Variants in EGFR observed in about 807,000 individuals in gnomAD.
The protein encoded by EGFR is avian erythroblastic leukemia viral (v-erb-b) oncogene homolog.
Under a neutral mutation model 143.0 loss-of-function variants are expected in EGFR, and 58 were observed. That is an observed-to-expected ratio of 0.41 (90% CI 0.33 to 0.50). The LOEUF (loss-of-function observed/expected upper bound fraction) is 0.50, where lower values mean the gene tolerates loss of function less well. EGFR is among the 20% of genes least tolerant of loss of function. The pLI is 0.39. For missense variants in EGFR, 1,307 were observed against 1,579.0 expected (o/e 0.83, Z 2.92); for synonymous variants, 613 against 594.4 (o/e 1.03, Z -0.45).
chr7:55,082,979 C>T (rs1182044236), intron 1 of EGFR, among the ~76,000 whole-genome samples: 1 of 152,218 alleles, frequency 6.6e-6, no homozygotes, highest in African/African-American at 2.4e-5. Context: ...GTGAGTTCTC[C>T]TGCATGTCTG....
At position 55,209,174 on chromosome 7, in the gene EGFR, C is replaced by T. The variant is rs1417630570; in HGVS notation, c.*3557C>T. 1 of 152,044 alleles carries T rather than the reference C, an allele frequency of 6.6e-6. No individual in the cohort carries two copies. The highest frequency in any genetic ancestry group is 1.5e-5 in the Non-Finnish European group (1 of 68,040). 9.4% of individuals were successfully genotyped at this position (152,044 alleles called of 1,614,324 possible). On this transcript the variant is annotated 3_prime_UTR_variant, in exon 28 of 28. Transcript: ENST00000275493. ...CAATTCAACCCAAATCTCGGGGGCTCTTTCATGATTCTAATGGGCAACCAG... is the reference window on the plus strand; with the variant it reads ...CAATTCAACCCAAATCTCGGGGGCTTTTTCATGATTCTAATGGGCAACCAG...
At chr7:55,148,552 T>C (rs1794884703) in intron 4 of EGFR, among the ~76,000 whole-genome samples, 1 of 152,216 alleles carries the variant, frequency 6.6e-6, no homozygotes, top group Admixed American at 6.5e-5. Context: ...TATAAAGAAC[T>C]GACATTTCAA....
intron 1 of EGFR, among the ~76,000 whole-genome samples, chr7:55,051,275 A>G (rs1170865091): frequency 6.6e-6 from 1 of 152,124 alleles, no homozygotes; most frequent in East Asian, 1.9e-4. Context: ...TGGTTTGAAT[A>G]TGTCCCTCAA....
chr7:55,176,145 T>A (rs1370494374), intron 19 of EGFR, among the ~76,000 whole-genome samples: 1 of 152,254 alleles, frequency 6.6e-6, no homozygotes, highest in Non-Finnish European at 1.5e-5. Context: ...AAAATCTTTG[T>A]GCACAATTTG....
At chr7:55,079,293 GCA>G (rs926645279) in intron 1 of EGFR, among the ~76,000 whole-genome samples, 37 of 152,346 alleles carry the variant, frequency 2.4e-4, no homozygotes, top group African/African-American at 7.5e-4. Flanking sequence ...AGCCAGGCAT[GCA>G]CACTCAGAGT....
At chr7:55,050,557 C>T (rs1788430236) in intron 1 of EGFR, among the ~76,000 whole-genome samples, 1 of 152,196 alleles carries the variant, frequency 6.6e-6, no homozygotes, top group Admixed American at 6.5e-5. Context: ...ATGAACATAG[C>T]TGTATGCCTT....
chr7:55,072,508 T>C (rs1040339119), intron 1 of EGFR, among the ~76,000 whole-genome samples: 7 of 152,228 alleles, frequency 4.6e-5, no homozygotes, highest in Admixed American at 1.3e-4. Flanking sequence ...TGCTGGTGCA[T>C]GTGAAGTGTC....
intron 1 of EGFR, among the ~76,000 whole-genome samples, chr7:55,094,420 C>T (rs1239667438): frequency 1.3e-5 from 2 of 152,228 alleles, no homozygotes; most frequent in African/African-American, 2.4e-5. Context: ...GGGAGACTGG[C>T]CTATCCTGTC....
chr7:55,124,052 G>A (rs1414693670), intron 1 of EGFR, among the ~76,000 whole-genome samples: 7 of 152,174 alleles, frequency 4.6e-5, no homozygotes, highest in Admixed American at 2.0e-4. Context: ...TAATGTATGC[G>A]TGTAGTTCTA....
At chr7:55,143,992 G>C (rs527375642) in intron 3 of EGFR, among the ~76,000 whole-genome samples, 14 of 152,304 alleles carry the variant, frequency 9.2e-5, no homozygotes, top group Non-Finnish European at 1.8e-4. Context: ...AGCAGGACTC[G>C]TGAGGTTCCT....
Position 55,098,397 on chromosome 7 carries a change from C to T in EGFR, c.89-43889C>T, listed in dbSNP as rs148325315. Among the ~76,000 whole-genome samples the T allele has an allele frequency of 4.7e-3, 718 of 152,094 alleles. 2 individuals are homozygous for T. The highest frequency in any genetic ancestry group is 0.012 in the Admixed American group (182 of 15,284). ...CCCACAGTCAGGAACTGCTCAGAGA[C>T]GTGATGGCAACTCCATAGAATGAAA... On this transcript the variant is annotated intron_variant, in intron 1 of 27. Coordinates refer to ENST00000275493, the MANE Select transcript of EGFR (RefSeq NM_005228.5).
intron 4 of EGFR, among the ~76,000 whole-genome samples, chr7:55,147,714 CCA>C (rs1794841177): frequency 6.6e-6 from 1 of 152,048 alleles, no homozygotes; most frequent in Admixed American, 6.5e-5. Flanking sequence ...TCACCACCGT[CCA>C]CACACAGAAC....
rs1290560278 is a variant in EGFR, at chr7:55,198,709, C to T, written c.2702-8C>T. On this transcript the variant is annotated splice_region_variant and splice_polypyrimidine_tract_variant and intron_variant, in intron 22 of 27. Coordinates refer to ENST00000275493, the MANE Select transcript of EGFR (RefSeq NM_005228.5). ...CCACTGCCTTCTTTTCTTGCTTCAT[C>T]CTCTCAGGGGTGACTGTTTGGGAGT... 1 of 1,614,196 alleles carries T rather than the reference C, an allele frequency of 6.2e-7. No individual in the cohort carries two copies. Among genetic ancestry groups the T allele is most frequent in the South Asian group, 1.1e-5 (1 of 91,080 alleles).
At chr7:55,114,517 A>T (rs1792712814) in intron 1 of EGFR, among the ~76,000 whole-genome samples, 1 of 152,314 alleles carries the variant, frequency 6.6e-6, no homozygotes, top group East Asian at 1.9e-4. Flanking sequence ...TAAAACATTT[A>T]AAAATACATG....
intron 1 of EGFR, among the ~76,000 whole-genome samples, chr7:55,120,620 C>T (rs754714403): frequency 1.8e-4 from 28 of 152,118 alleles, no homozygotes; most frequent in African/African-American, 6.8e-4. Flanking sequence ...TCCATCCGGG[C>T]GGAGACTGTT....
intron 16 of EGFR, among the ~76,000 whole-genome samples, chr7:55,171,825 G>A (rs929263758): frequency 1.3e-5 from 2 of 152,162 alleles, no homozygotes; most frequent in African/African-American, 2.4e-5. Flanking sequence ...ATTATACACC[G>A]AGCACCTGTT....
In EGFR at chr7:55,165,368, A is replaced by G. The variant is rs913231421; in HGVS notation, c.1811A>G (p.Asn604Ser). 2.5e-6 allele frequency: 4 copies of G among 1,614,102 alleles called. No individual in the cohort carries two copies. Among genetic ancestry groups the G allele is most frequent in the South Asian group, 2.2e-5 (2 of 91,088 alleles). ...CCGGCAGGAGTCATGGGAGAAAACA[A>G]CACCCTGGTCTGGAAGTACGCAGAC... ...TCPAGVMGEN[N>S]TLVWKYADAG... The change falls in exon 15 of 28, where the codon AAC becomes AGC. Residue 604 changes from asparagine to serine, a missense_variant. Coordinates refer to ENST00000275493, the MANE Select transcript of EGFR (RefSeq NM_005228.5).
intron 17 of EGFR, 40 bp from the exon 18 acceptor site, chr7:55,173,881 G>A (rs764807724): frequency 1.2e-6 from 2 of 1,614,138 alleles, no homozygotes; most frequent in Middle Eastern, 1.7e-4. Flanking sequence ...CATGGTGAGG[G>A]CTGAGGTGAC....
chr7:55,122,646 C>A (rs906194973), intron 1 of EGFR, among the ~76,000 whole-genome samples: 1 of 152,236 alleles, frequency 6.6e-6, no homozygotes, highest in Non-Finnish European at 1.5e-5. Context: ...GTTCCCTTTG[C>A]CCTTTCTCCC....
Sources: allele counts gnomAD v4.1 joint callset (sites outside exome capture counted in the v4.1 genomes callset), GRCh38; gene constraint gnomAD v4.1.1; transcripts MANE v1.5; gene names NCBI Gene and HGNC (gene_info 2026-07-23, HGNC 2026-07-21).